DNMT1: variants seen among roughly 807,000 people sequenced by gnomAD.
The protein encoded by DNMT1 is DNA (cytosine-5)-methyltransferase 1.
DNMT1 carries 24 observed loss-of-function variants against 205.3 expected under a neutral mutation model. The ratio of observed to expected loss-of-function variants is 0.12; its 90% CI spans 0.08 to 0.16. The LOEUF (loss-of-function observed/expected upper bound fraction) is 0.16, where lower values mean the gene tolerates loss of function less well. DNMT1 is among the 10% of genes least tolerant of loss of function. The pLI, the probability that DNMT1 is intolerant of heterozygous loss-of-function variation, is 1.00. For synonymous variants in DNMT1, 817 were observed against 839.8 expected (o/e 0.97, Z 0.47); for missense variants, 1,293 against 2,177.7 (o/e 0.59, Z 8.09).
In DNMT1 at chr19:10,180,248, G is replaced by A; in HGVS notation, c.446-14C>T. ...GGTCTCTTGAACCTGGGAGGCAGAG[G>A]TTACAGTGAGCCGAGGTTACACCAC... On this transcript the variant is annotated splice_polypyrimidine_tract_variant and intron_variant, in intron 4 of 40. Transcript: ENST00000359526. 1 of 1,416,530 alleles carries A rather than the reference G, an allele frequency of 7.1e-7. No individual in the cohort carries two copies. Among genetic ancestry groups the A allele is most frequent in the South Asian group, 1.2e-5 (1 of 83,590 alleles). 87.7% of individuals were successfully genotyped at this position (1,416,530 alleles called of 1,614,324 possible).
chr19:10,169,224 A>G (rs1248587167), intron 9 of DNMT1, among the ~76,000 whole-genome samples: 1 of 151,970 alleles, frequency 6.6e-6, no homozygotes, highest in African/African-American at 2.4e-5. Context: ...GTCTGTGAAG[A>G]GATCGCAAAG....
Position 10,151,698 on chromosome 19 carries a change from G to A in DNMT1, c.2117+52C>T. The A allele has an allele frequency of 6.2e-7, 1 of 1,610,560 alleles. No individual in the cohort carries two copies. Among genetic ancestry groups the A allele is most frequent in the Non-Finnish European group, 8.5e-7 (1 of 1,177,082 alleles). On this transcript the variant is annotated intron_variant, in intron 23 of 40. Transcript: ENST00000359526. This position sits in a 1 kb window ranked among gnomAD's most constrained non-coding sequence, Gnocchi z 5.0. ...GCAGGCCCTTCTCCACAGTGCATCT[G>A]CCACCAGCTGGCAAGTCCTCTGCCA... is the stretch of plus-strand genomic sequence containing the variant.
intron 18 of DNMT1, 44 bp from the exon 19 acceptor site, chr19:10,155,989 C>G: frequency 6.3e-7 from 1 of 1,593,452 alleles, no homozygotes; most frequent in East Asian, 2.2e-5. Context: ...TGACTCACAT[C>G]CCAAACCCAG....
rs545354895 is a variant in DNMT1, at chr19:10,166,784, G to T, written c.804-99C>A. 43 of 1,303,236 alleles carry T rather than the reference G, an allele frequency of 3.3e-5. No homozygotes were observed. The East Asian group carries it at 8.9e-4, about 27-fold the overall frequency. The allele number at this position is 1,303,236 out of a possible 1,614,324, so 80.7% of individuals were successfully genotyped here. A position where few individuals can be genotyped will look rare whatever the true frequency, so the allele number is the denominator to read the frequency against. On this transcript the variant is annotated intron_variant, in intron 10 of 40. Transcript: ENST00000359526. ...AGGGCTGACACAAGCTCCTCCCCAG[G>T]TTCAGAGGACAGGCTGCCTCTCCTG...
Position 10,180,417 on chromosome 19 carries a change from G to A in DNMT1, c.378C>T (p.Asn126=), listed in dbSNP as rs766508258. 1.2e-6 allele frequency: 2 copies of A among 1,614,094 alleles called. No individual in the cohort carries two copies. The highest frequency in any genetic ancestry group is 1.7e-6 in the Non-Finnish European group (2 of 1,180,042). Residue 126 remains asparagine (N), a synonymous_variant, in exon 4 of 41, where the codon AAC becomes AAT. Coordinates refer to ENST00000359526, the MANE Select transcript of DNMT1 (RefSeq NM_001130823.3). Reference sequence around the variant, plus strand: ...GTTTGGAAAGGGGTTTGGGGGGGCTGTTGGCATCTGCCATTCCCACTCTAC... The same window carrying A: ...GTTTGGAAAGGGGTTTGGGGGGGCTATTGGCATCTGCCATTCCCACTCTAC... The part of the protein sequence containing the change: ...EARRVGMADA[N]SPPKPLSKPR...
At position 10,180,392 on chromosome 19, in the gene DNMT1, G is replaced by A. The variant is rs769726219; in HGVS notation, c.403C>T (p.Pro135Ser). 2 of 1,613,898 alleles carry A rather than the reference G, an allele frequency of 1.2e-6. No homozygotes were observed. Among genetic ancestry groups the A allele is most frequent in the South Asian group, 1.1e-5 (1 of 91,074 alleles). Residue 135 changes from proline (P) to serine (S), a missense_variant, in exon 4 of 41, where the codon CCT becomes TCT. Physicochemically the swap from Pro to Ser is moderately conservative, Grantham distance 74. Around this residue, in one of 13 missense-constraint regions of DNMT1, gnomAD observed 394 missense variants for 451.6 expected, o/e 0.87. Transcript: ENST00000359526. ...ANSPPKPLSKPRTPRRSKSDG... is the reference protein window; with the variant it reads ...ANSPPKPLSKSRTPRRSKSDG... The stretch of plus-strand genomic sequence containing the variant: ...GACTTGCTCCTCCTGGGCGTGCGAG[G>A]TTTGGAAAGGGGTTTGGGGGGGCTG...
rs575660554 is a variant in DNMT1, at chr19:10,186,778, C to T, written c.81-4701G>A. On this transcript the variant is annotated intron_variant, in intron 1 of 40. Coordinates refer to ENST00000359526, the MANE Select transcript of DNMT1 (RefSeq NM_001130823.3). Reference sequence around the variant, plus strand: ...GCTTGAACCCGGGAGGTGGAGGCTGCGGTGAGCCAAGGTCACGTCATTGCA... The same window carrying T: ...GCTTGAACCCGGGAGGTGGAGGCTGTGGTGAGCCAAGGTCACGTCATTGCA... Among the ~76,000 whole-genome samples the T allele has an allele frequency of 3.3e-4, 45 of 137,738 alleles. No homozygotes were observed. The South Asian group carries it at 9.3e-3, about 28-fold the overall frequency. The allele number at this position is 137,738 out of a possible 152,430, so 90.4% of individuals were successfully genotyped here.
At chr19:10,157,851 T>C (rs1177166226) in intron 17 of DNMT1, among the ~76,000 whole-genome samples, 1 of 152,190 alleles carries the variant, frequency 6.6e-6, no homozygotes, top group Non-Finnish European at 1.5e-5. Flanking sequence ...ACAGGTGGGC[T>C]GGAGGCTCTC....
chr19:10,194,726 C>A, intron 1 of DNMT1, 94 bp downstream of exon 1: 1 of 1,472,496 alleles, frequency 6.8e-7, no homozygotes. Context: ...GCCCGTCTGT[C>A]AGCAGCGGCC....
intron 1 of DNMT1, among the ~76,000 whole-genome samples, chr19:10,188,194 G>A (rs765666296): frequency 1.3e-5 from 2 of 152,096 alleles, no homozygotes; most frequent in East Asian, 1.9e-4. Context: ...TCTTCAGGCC[G>A]GCTGCATGGC....
chr19:10,138,405 G>T lies in DNMT1; in HGVS notation c.4115+34C>A. 6.2e-7 allele frequency: 1 copy of T among 1,613,464 alleles called. No individual in the cohort carries two copies. The highest frequency in any genetic ancestry group is 1.1e-5 in the South Asian group (1 of 91,010). On this transcript the variant is annotated intron_variant, in intron 35 of 40. Coordinates refer to ENST00000359526, the MANE Select transcript of DNMT1 (RefSeq NM_001130823.3). This position sits in a 1 kb window ranked among gnomAD's most constrained non-coding sequence, Gnocchi z 4.1. ...CCCCATGAGCTACTGAGGCCTGCTC[G>T]GCAGTGTGTGGAGGAGCGACGGGGG...
In DNMT1 at chr19:10,154,636, T is replaced by C. The variant is rs721186; in HGVS notation, c.1782A>G (p.Thr594=). The C allele has an allele frequency of 0.99, 1,594,840 of 1,614,176 alleles. 787,892 individuals carry two copies. The highest frequency in any genetic ancestry group is 1 in the East Asian group (44,874 of 44,874). ...GDSDEQPIFL[T]PCMRDLIKLA... ...GCTTGATCAGGTCCCGCATGCAGGG[T>C]GTCAGGAAGATGGGCTGCTCATCAC... The change falls in exon 21 of 41, where the codon ACA becomes ACG. Residue 594 remains threonine (T), a synonymous_variant. Coordinates refer to ENST00000359526, the MANE Select transcript of DNMT1 (RefSeq NM_001130823.3). This position sits in a 1 kb window ranked among gnomAD's most constrained non-coding sequence, Gnocchi z 6.3.
chr19:10,172,435 C>A (rs1418995500), intron 9 of DNMT1, among the ~76,000 whole-genome samples: 1 of 151,476 alleles, frequency 6.6e-6, no homozygotes, highest in South Asian at 2.1e-4. Flanking sequence ...GTTTTAGCAC[C>A]TCGTACGTCT....
chr19:10,168,750 T>A lies in DNMT1; in HGVS notation c.769-386A>T, dbSNP rs1049203814. On this transcript the variant is annotated intron_variant, in intron 9 of 40. Transcript: ENST00000359526. ...AGTAACTTTATTATAAATCTCTACT[T>A]CCGATATTAAAGGAATGAAATAGGA... Among the ~76,000 whole-genome samples the A allele has an allele frequency of 2.0e-5, 3 of 152,180 alleles. No individual in the cohort carries two copies. The East Asian group carries it at 5.8e-4, about 29-fold the overall frequency.
rs556407127 is a variant in DNMT1, at chr19:10,186,109, G to C, written c.81-4032C>G. Among the ~76,000 whole-genome samples, 20 of 152,294 alleles carry C rather than the reference G, an allele frequency of 1.3e-4. No homozygotes were observed. In the South Asian group the frequency reaches 3.7e-3, roughly 28 times the overall value. ...AAGCCAGCCAGTCCCCTGATCCCGA[G>C]GTTGCCTGGGGTGTGAAGGACAAGG... On this transcript the variant is annotated intron_variant, in intron 1 of 40. Coordinates refer to ENST00000359526, the MANE Select transcript of DNMT1 (RefSeq NM_001130823.3).
At chr19:10,167,381 G>C (rs74178199) in intron 10 of DNMT1, among the ~76,000 whole-genome samples, 1 of 151,990 alleles carries the variant, frequency 6.6e-6, no homozygotes, top group African/African-American at 2.4e-5. Flanking sequence ...ATTTTTATTA[G>C]AGACGGGGTT....
chr19:10,136,278 G>C lies in DNMT1; in HGVS notation c.4499C>G (p.Ala1500Gly). 6.2e-7 allele frequency: 1 copy of C among 1,613,954 alleles called. No homozygotes were observed. The highest frequency in any genetic ancestry group is 8.5e-7 in the Non-Finnish European group (1 of 1,180,030). The change falls in exon 38 of 41, where the codon GCC (alanine) becomes GGC (glycine). Residue 1500 changes from alanine (A) to glycine (G), a missense_variant. Transcript: ENST00000359526. The part of the protein sequence containing the change: ...GVCSCVEAGK[A>G]CDPAARQFNT... ...GAACTGCCTGGCTGCGGGGTCGCAG[G>C]CTTTGCCGGCTGGAAGACAGGACAG...
intron 9 of DNMT1, among the ~76,000 whole-genome samples, chr19:10,172,138 G>A (rs539263785): frequency 7.9e-5 from 12 of 152,026 alleles, no homozygotes; most frequent in East Asian, 3.9e-4. Context: ...ATTTTAGGCC[G>A]GGTGTGGTGG....
chr19:10,143,851 G>A lies in DNMT1; in HGVS notation c.3031C>T (p.Arg1011Trp), dbSNP rs876661227. The change falls in exon 29 of 41, where the codon CGG becomes TGG. Residue 1011 changes from arginine to tryptophan, a missense_variant. This residue lies in a region of DNMT1 where 167 missense variants were observed against 258.1 expected (regional missense o/e 0.65). Transcript: ENST00000359526. ...LDAPEPYRIG[R>W]IKEIFCPKKS... Reference sequence around the variant, plus strand: ...TTGGGACAGAAGATCTCTTTGATCCGGCCAATTCGGTAGGGCTCAGGGGCA... The same window carrying A: ...TTGGGACAGAAGATCTCTTTGATCCAGCCAATTCGGTAGGGCTCAGGGGCA... 3.7e-6 allele frequency: 6 copies of A among 1,613,994 alleles called. No individual in the cohort carries two copies. Among genetic ancestry groups the A allele is most frequent in the Non-Finnish European group, 5.1e-6 (6 of 1,180,046 alleles).
Sources: gnomAD v4.1 joint callset for allele counts (sites outside exome capture counted in the v4.1 genomes callset) on GRCh38, gnomAD v4.1.1 for gene constraint, gnomAD v4.1.1 regional missense constraint, Gnocchi (gnomAD v3.1) non-coding constraint, MANE v1.5 for transcripts, NCBI Gene and HGNC (gene_info 2026-07-23, HGNC 2026-07-21) for gene names.